Variants in PAN3 observed in about 807,000 individuals in gnomAD.
PAN3 encodes the protein poly(A) specific ribonuclease subunit PAN3.
In PAN3, 19 loss-of-function variants were observed where a neutral mutation model predicts 96.2. The observed-to-expected ratio is 0.20, with a 90% CI of 0.14 to 0.29. The LOEUF (loss-of-function observed/expected upper bound fraction) is 0.29, where lower values mean the gene tolerates loss of function less well. PAN3 is among the 10% of genes least tolerant of loss of function. The pLI, the probability that PAN3 is intolerant of heterozygous loss-of-function variation, is 1.00. For synonymous variants in PAN3, 433 were observed against 406.6 expected (o/e 1.06, Z -0.78); for missense variants, 882 against 1,108.1 (o/e 0.80, Z 2.90).
intron 5 of PAN3, among the ~76,000 whole-genome samples, chr13:28,204,622 T>G (rs1412924442): frequency 6.6e-6 from 1 of 152,224 alleles, no homozygotes; most frequent in African/African-American, 2.4e-5. Context: ...GCTAACTCAC[T>G]TGAATATTTT....
chr13:28,163,464 T>C (rs981241948), intron 1 of PAN3, among the ~76,000 whole-genome samples: 5 of 152,228 alleles, frequency 3.3e-5, no homozygotes, highest in African/African-American at 9.6e-5. Context: ...CTAGGCACTT[T>C]ACATAGATTA....
At chr13:28,184,602 T>C (rs1876225218) in intron 4 of PAN3, among the ~76,000 whole-genome samples, 1 of 152,208 alleles carries the variant, frequency 6.6e-6, no homozygotes, top group Admixed American at 6.5e-5. Flanking sequence ...TTGAATTTTT[T>C]ATAATTGACA....
chr13:28,286,896 C>G (rs1371886225), intron 17 of PAN3, among the ~76,000 whole-genome samples: 1 of 152,184 alleles, frequency 6.6e-6, no homozygotes, highest in Admixed American at 6.5e-5. Context: ...AGTTTTAAAA[C>G]ATGTCCTAAG....
At chr13:28,259,381 A>G (rs926509046) in intron 7 of PAN3, among the ~76,000 whole-genome samples, 29 of 151,030 alleles carry the variant, frequency 1.9e-4, no homozygotes, top group African/African-American at 7.1e-4. Context: ...ATCTTGGTGC[A>G]CTGCAACCTC....
At chr13:28,288,754 A>T (rs572302854) in intron 18 of PAN3, among the ~76,000 whole-genome samples, 1 of 151,528 alleles carries the variant, frequency 6.6e-6, no homozygotes, top group Non-Finnish European at 1.5e-5. Flanking sequence ...TTTTGTGTTT[A>T]TTTTTTAAAA....
intron 6 of PAN3, among the ~76,000 whole-genome samples, chr13:28,238,025 A>G (rs1343739932): frequency 2.6e-5 from 4 of 152,348 alleles, no homozygotes; most frequent in Admixed American, 2.0e-4. Context: ...TATTTAATAA[A>G]CAGTGGAAAA....
chr13:28,190,681 A>G (rs919215258), intron 4 of PAN3, among the ~76,000 whole-genome samples: 1 of 152,220 alleles, frequency 6.6e-6, no homozygotes, highest in African/African-American at 2.4e-5. Context: ...ACAGTTACAC[A>G]TGGCTGAGAG....
At chr13:28,187,525 C>T (rs576052784) in intron 4 of PAN3, among the ~76,000 whole-genome samples, 1 of 152,214 alleles carries the variant, frequency 6.6e-6, no homozygotes, top group South Asian at 2.1e-4. Flanking sequence ...TTTTTGGTAG[C>T]ATAAAATCCC....
chr13:28,217,159 G>A (rs188603906), intron 5 of PAN3, among the ~76,000 whole-genome samples: 2 of 151,818 alleles, frequency 1.3e-5, no homozygotes, highest in African/African-American at 2.4e-5. Context: ...TTAAGCTAAC[G>A]GTCAGGATTC....
At chr13:28,156,130 G>C (rs922007124) in intron 1 of PAN3, among the ~76,000 whole-genome samples, 3 of 152,070 alleles carry the variant, frequency 2.0e-5, no homozygotes, top group African/African-American at 7.2e-5. Context: ...AGAGAAGTTG[G>C]TTATTTAATA....
chr13:28,222,591 GA>G (rs1193124786), intron 6 of PAN3, among the ~76,000 whole-genome samples: 1 of 152,022 alleles, frequency 6.6e-6, no homozygotes, highest in Non-Finnish European at 1.5e-5. Flanking sequence ...GATGAGCAAA[GA>G]AAAAATATTT....
intron 15 of PAN3, among the ~76,000 whole-genome samples, chr13:28,278,310 A>T (rs1372642129): frequency 1.3e-5 from 2 of 152,242 alleles, no homozygotes; most frequent in African/African-American, 4.8e-5. Flanking sequence ...TTCATAATCA[A>T]ATTCAAATAA....
intron 5 of PAN3, chr13:28,215,334 C>T: frequency 1.3e-6 from 1 of 746,638 alleles, no homozygotes; most frequent in South Asian, 1.4e-5. Context: ...TGTTCTCAAA[C>T]CCGTTATGGT....
intron 5 of PAN3, among the ~76,000 whole-genome samples, chr13:28,202,658 T>TACACACACAC (rs140754799): frequency 2.0e-5 from 3 of 150,000 alleles, no homozygotes; most frequent in Admixed American, 6.7e-5. Context: ...TATATATGTA[T>TACACACACAC]ACACACACAC....
intron 6 of PAN3, among the ~76,000 whole-genome samples, chr13:28,255,165 G>T (rs1885038258): frequency 6.6e-6 from 1 of 152,070 alleles, no homozygotes; most frequent in African/African-American, 2.4e-5. Context: ...ATATTGTGAG[G>T]TGGCATATTA....
chr13:28,184,288 T>C (rs910046063), intron 4 of PAN3, among the ~76,000 whole-genome samples: 3 of 152,210 alleles, frequency 2.0e-5, no homozygotes, highest in African/African-American at 7.2e-5. Context: ...ATAAATTAAA[T>C]GTTTTATATT....
Position 28,260,569 on chromosome 13 carries a change from A to G in PAN3, c.1353+18A>G, listed in dbSNP as rs753840886. The G allele has an allele frequency of 1.3e-6, 2 of 1,554,434 alleles. No homozygotes were observed. The highest frequency in any genetic ancestry group is 1.1e-5 in the South Asian group (1 of 89,860). On this transcript the variant is annotated intron_variant, in intron 8 of 18. Transcript: ENST00000380958. ...TCCGACAGGTATGCTTTCAGAATTCATAGTAGGAATACTTAATGTCTCCTG... is the reference window on the plus strand; with the variant it reads ...TCCGACAGGTATGCTTTCAGAATTCGTAGTAGGAATACTTAATGTCTCCTG...
intron 18 of PAN3, among the ~76,000 whole-genome samples, chr13:28,288,703 A>G (rs1248589212): frequency 6.6e-6 from 1 of 152,096 alleles, no homozygotes; most frequent in Non-Finnish European, 1.5e-5. Context: ...TGGTTTTGTT[A>G]TGCCGCTTAA....
upstream of PAN3, chr13:28,138,211 T>A (rs1271543972): frequency 2.0e-5 from 3 of 152,128 alleles, no homozygotes; most frequent in African/African-American, 7.2e-5. Context: ...GCGACGGCCG[T>A]CTCAGGAAGA....
Sources: gnomAD v4.1 joint callset for allele counts (sites outside exome capture counted in the v4.1 genomes callset) on GRCh38, gnomAD v4.1.1 for gene constraint, MANE v1.5 for transcripts, NCBI Gene and HGNC (gene_info 2026-07-23, HGNC 2026-07-21) for gene names.